SEC24A: variants seen among roughly 807,000 people sequenced by gnomAD.
SEC24A encodes SEC24 homolog A, COPII component.
A neutral mutation model predicts 129.4 loss-of-function variants in SEC24A; 93 were observed. The observed-to-expected ratio is 0.72, with a 90% CI of 0.61 to 0.85. The LOEUF (loss-of-function observed/expected upper bound fraction) is 0.85. SEC24A is among the 40% of genes least tolerant of loss of function. SEC24A has a pLI of 0.00. For synonymous variants in SEC24A, 460 were observed against 467.3 expected, an observed-to-expected ratio of 0.98 and a Z score of 0.20; for missense variants, 1,264 against 1,307.4, an observed-to-expected ratio of 0.97 and a Z score of 0.51.
At chr5:134,692,925 A>G in intron 12 of SEC24A, 1 of 897,266 alleles carries the variant, frequency 1.1e-6, no homozygotes, top group Non-Finnish European at 1.8e-6. Flanking sequence ...CTGTCTTGTC[A>G]GCCATTTGGG....
chr5:134,692,696 T>C, intron 12 of SEC24A, 39 bp downstream of exon 12: 1 of 1,119,594 alleles, frequency 8.9e-7, no homozygotes, highest in Non-Finnish European at 1.3e-6. Flanking sequence ...TTAATTGAAA[T>C]ATTGAAGGAA....
intron 15 of SEC24A, among the ~76,000 whole-genome samples, chr5:134,700,194 G>C (rs1259701244): frequency 6.6e-6 from 1 of 151,828 alleles, no homozygotes; most frequent in Non-Finnish European, 1.5e-5. Flanking sequence ...ATGGGGTGTA[G>C]AGTGGTAATT....
Position 134,661,197 on chromosome 5 carries a change from C to T in SEC24A, c.176C>T (p.Pro59Leu). ...GYNFQLPGSY[P>L]HPIPAKTLNP... The stretch of plus-strand genomic sequence containing the variant: ...AATTTCCAGCTTCCAGGATCCTACC[C>T]TCATCCAATACCAGCAAAGACTTTG... The change falls in exon 2 of 23, where the codon CCT becomes CTT. Residue 59 changes from proline to leucine, a missense_variant. By Grantham distance (98) the Pro-to-Leu change is moderately conservative (BLOSUM62 -3). Coordinates refer to ENST00000398844, the MANE Select transcript of SEC24A (RefSeq NM_021982.3). The T allele has an allele frequency of 6.2e-7, 1 of 1,614,160 alleles. No homozygotes were observed.
At chr5:134,717,969 G>A (rs1250214658) in intron 19 of SEC24A, 100 bp from the exon 20 acceptor site, 10 of 795,604 alleles carry the variant, frequency 1.3e-5, no homozygotes, top group Non-Finnish European at 2.0e-5. Flanking sequence ...GCAAGGCCCA[G>A]ACTTGTAGAG....
At chr5:134,695,469 C>T (rs554287626) in intron 13 of SEC24A, among the ~76,000 whole-genome samples, 278 of 151,642 alleles carry the variant, frequency 1.8e-3, no homozygotes, top group Middle Eastern at 6.8e-3. Flanking sequence ...CTGGCCAACA[C>T]GACGAAACCC....
At chr5:134,708,031 A>T (rs1206073020) in intron 17 of SEC24A, among the ~76,000 whole-genome samples, 1 of 152,216 alleles carries the variant, frequency 6.6e-6, no homozygotes, top group African/African-American at 2.4e-5. Flanking sequence ...CAGGAGGCTG[A>T]GGCAGGATAA....
chr5:134,665,843 T>G (rs886460099), intron 2 of SEC24A, among the ~76,000 whole-genome samples: 1 of 152,172 alleles, frequency 6.6e-6, no homozygotes, highest in Non-Finnish European at 1.5e-5. Flanking sequence ...CACTCTAAAC[T>G]TAGTTGATGT....
intron 17 of SEC24A, 122 bp from the exon 18 acceptor site, chr5:134,708,587 TTGTG>T: frequency 1.2e-6 from 1 of 818,622 alleles, no homozygotes. Context: ...TTTGTCTCAT[TTGTG>T]TATGTAGTAA....
At chr5:134,675,796 A>G (rs1023859916) in intron 6 of SEC24A, among the ~76,000 whole-genome samples, 1 of 152,228 alleles carries the variant, frequency 6.6e-6, no homozygotes, top group Non-Finnish European at 1.5e-5. Context: ...TGTTTTACAC[A>G]CAAGCCAAAA....
At chr5:134,671,121 A>G (rs1405727539) in intron 3 of SEC24A, among the ~76,000 whole-genome samples, 1 of 151,906 alleles carries the variant, frequency 6.6e-6, no homozygotes, top group Non-Finnish European at 1.5e-5. Flanking sequence ...TTTGGCTCAC[A>G]GCAACCTCTG....
At chr5:134,693,348 A>G (rs1751720301) in intron 12 of SEC24A, 2 of 1,373,682 alleles carry the variant, frequency 1.5e-6, no homozygotes, top group African/African-American at 1.5e-5. Flanking sequence ...GATTTGCAAC[A>G]GGGAAGAGCT....
chr5:134,662,061 C>T (rs1326827252), intron 2 of SEC24A, among the ~76,000 whole-genome samples: 1 of 151,996 alleles, frequency 6.6e-6, no homozygotes, highest in African/African-American at 2.4e-5. Context: ...GAACTCCCGA[C>T]CTCAGGTAAT....
chr5:134,669,508 A>G (rs902205216), intron 3 of SEC24A, among the ~76,000 whole-genome samples: 3 of 133,702 alleles, frequency 2.2e-5, no homozygotes, highest in Admixed American at 8.0e-5. Context: ...ATGGAGTCTC[A>G]CTCTGTCTGC....
chr5:134,687,913 G>A (rs1344835677), intron 10 of SEC24A, among the ~76,000 whole-genome samples: 3 of 152,070 alleles, frequency 2.0e-5, no homozygotes, highest in Non-Finnish European at 2.9e-5. Flanking sequence ...TTTCCTAAGT[G>A]ATTATATGTA....
At chr5:134,680,731 G>C (rs771596125) in intron 8 of SEC24A, among the ~76,000 whole-genome samples, 46 of 151,962 alleles carry the variant, frequency 3.0e-4, no homozygotes, top group Non-Finnish European at 6.5e-4. Context: ...AAACCTCTCT[G>C]CCTCCCAGGT....
At position 134,649,022 on chromosome 5, in the gene SEC24A, C is replaced by T; in HGVS notation, c.-55C>T. ...TCCGCTTTCAGCAGTGGTCTTTCAG[C>T]TCTCTTCTTGTGCGCTGTTGTCGAC... On this transcript the variant is annotated 5_prime_UTR_variant, in exon 1 of 23. Coordinates refer to ENST00000398844, the MANE Select transcript of SEC24A (RefSeq NM_021982.3). The T allele has an allele frequency of 7.7e-7, 1 of 1,300,328 alleles. No individual in the cohort carries two copies. Among genetic ancestry groups the T allele is most frequent in the South Asian group, 1.3e-5 (1 of 78,946 alleles). The allele number at this position is 1,300,328 out of a possible 1,614,324, so 80.5% of individuals were successfully genotyped here.
intron 21 of SEC24A, among the ~76,000 whole-genome samples, chr5:134,721,979 T>C (rs1430090557): frequency 2.0e-5 from 3 of 152,216 alleles, no homozygotes; most frequent in Admixed American, 1.3e-4. Context: ...GCGTTTTAGG[T>C]AATGAGTAAG....
At chr5:134,658,868 G>A (rs1050844042) in intron 1 of SEC24A, among the ~76,000 whole-genome samples, 1 of 152,104 alleles carries the variant, frequency 6.6e-6, no homozygotes, top group African/African-American at 2.4e-5. Context: ...CAGGTCATGA[G>A]TCAGATTGAC....
At chr5:134,674,817 G>C (rs1363632235) in intron 5 of SEC24A, 42 bp downstream of exon 5, 1 of 1,580,680 alleles carries the variant, frequency 6.3e-7, no homozygotes, top group East Asian at 2.2e-5. Flanking sequence ...TCTCCATTTG[G>C]TTTAAACTGT....
Sources: gnomAD v4.1 joint callset for allele counts (sites outside exome capture counted in the v4.1 genomes callset) on GRCh38, gnomAD v4.1.1 for gene constraint, MANE v1.5 for transcripts, NCBI Gene and HGNC (gene_info 2026-07-23, HGNC 2026-07-21) for gene names.